The following SOCS4 variants were observed in gnomAD, a reference collection of about 807,000 sequenced individuals.
SOCS4 encodes SH2 domain containing SOCS box protein.
SOCS4 carries 20 observed loss-of-function variants against 34.1 expected under a neutral mutation model. The ratio of observed to expected loss-of-function variants is 0.59; its 90% CI spans 0.41 to 0.85. SOCS4 has a LOEUF of 0.85. Among genes scored for constraint, SOCS4 ranks in the 40% least tolerant of loss-of-function variants. SOCS4 has a pLI of 0.00. For missense variants in SOCS4, 479 were observed against 532.4 expected, an observed-to-expected ratio of 0.90 and a Z score of 0.99; for synonymous variants, 180 against 186.4, an observed-to-expected ratio of 0.97 and a Z score of 0.28.
At chr14:55,037,095 G>A (rs902065054) in intron 2 of SOCS4, among the ~76,000 whole-genome samples, 1 of 151,922 alleles carries the variant, frequency 6.6e-6, no homozygotes, top group Non-Finnish European at 1.5e-5. Context: ...TCCAGCCTGG[G>A]TGACAAAGTG....
At position 55,047,276 on chromosome 14, in the gene SOCS4, C is replaced by G. The variant is rs2042685158; in HGVS notation, c.*2912C>G. 1 of 167,102 alleles carries G rather than the reference C, an allele frequency of 6.0e-6. No homozygotes were observed. The highest frequency in any genetic ancestry group is 6.5e-5 in the Admixed American group (1 of 15,286). The allele number at this position is 167,102 out of a possible 1,614,324, so 10.4% of individuals were successfully genotyped here. On this transcript the variant is annotated 3_prime_UTR_variant, in exon 3 of 3. Coordinates refer to ENST00000555846, the MANE Select transcript of SOCS4 (RefSeq NM_199421.2). ...CACTTAACTGCGCTTTGGGAATCAT[C>G]CTGGGCTAATCAGGAAATAAACTTG... is the stretch of plus-strand genomic sequence containing the variant.
intron 1 of SOCS4, among the ~76,000 whole-genome samples, chr14:55,030,759 A>G (rs1031260611): frequency 7.2e-5 from 11 of 152,196 alleles, no homozygotes; most frequent in African/African-American, 2.7e-4. Flanking sequence ...TAAACCAGGT[A>G]ACATACCTAG....
rs759172403 is a variant in SOCS4 at position 55,043,683 on chromosome 14, G to A, written c.642G>A (p.Val214=). 6.2e-7 allele frequency: 1 copy of A among 1,614,156 alleles called. No homozygotes were observed. Among genetic ancestry groups the A allele is most frequent in the East Asian group, 2.2e-5 (1 of 44,886 alleles). The stretch of plus-strand genomic sequence containing the variant: ...GAGAAGGTCCTATGACTGGCTCTGT[G>A]ATGAACCTGGTTTCAAATAACAGTA... ...LCREGPMTGS[V]MNLVSNNSIE... Residue 214 remains valine (V), a synonymous_variant, in exon 3 of 3, where the codon GTG becomes GTA. Coordinates refer to ENST00000555846, the MANE Select transcript of SOCS4 (RefSeq NM_199421.2).
chr14:55,034,970 T>C (rs10135721), intron 2 of SOCS4, among the ~76,000 whole-genome samples: 78,000 of 151,332 alleles, frequency 0.52, 21,925 homozygotes, highest in African/African-American at 0.75. Context: ...AAGCCATTCT[T>C]CTGCCTCAGC....
At position 55,039,721 on chromosome 14, in the gene SOCS4, G is replaced by A. The variant is rs567113554; in HGVS notation, c.-90-3231G>A. On this transcript the variant is annotated intron_variant, in intron 2 of 2. Coordinates refer to ENST00000555846, the MANE Select transcript of SOCS4 (RefSeq NM_199421.2). ...ATCCTGGCTAACATGGTGAAACCTT[G>A]TCTCTACTAAAAATACAAAAAAAAA... Among the ~76,000 whole-genome samples the A allele has an allele frequency of 2.1e-3, 320 of 152,114 alleles. 1 individual carries two copies. The highest frequency in any genetic ancestry group is 7.4e-3 in the African/African-American group (306 of 41,498).
At chr14:55,041,592 A>G (rs982409992) in intron 2 of SOCS4, among the ~76,000 whole-genome samples, 1 of 148,096 alleles carries the variant, frequency 6.8e-6, no homozygotes, top group African/African-American at 2.5e-5. Flanking sequence ...AGTTCTCCTC[A>G]GCCTCCCTAG....
chr14:55,048,574 C>A lies in SOCS4; in HGVS notation c.*4210C>A, dbSNP rs1452052054. ...AATGGCCTACTAGAAATGAGCAGTGCAAGAGTCTACCTGTACTATTCTAAT... is the reference window on the plus strand; with the variant it reads ...AATGGCCTACTAGAAATGAGCAGTGAAAGAGTCTACCTGTACTATTCTAAT... On this transcript the variant is annotated 3_prime_UTR_variant, in exon 3 of 3. Transcript: ENST00000555846. The A allele has an allele frequency of 2.4e-5, 4 of 166,958 alleles. No individual in the cohort carries two copies. Among genetic ancestry groups the A allele is most frequent in the African/African-American group, 9.7e-5 (4 of 41,436 alleles). The allele number at this position is 166,958 out of a possible 1,614,324, so 10.3% of individuals were successfully genotyped here. A position where few individuals can be genotyped will look rare whatever the true frequency, so the allele number is the denominator to read the frequency against.
chr14:55,031,665 T>C (rs772624291), intron 1 of SOCS4, among the ~76,000 whole-genome samples, 198 bp from the exon 2 acceptor site: 1 of 152,172 alleles, frequency 6.6e-6, no homozygotes, highest in African/African-American at 2.4e-5. Context: ...TGCTACTAAA[T>C]CAATGATTCT....
rs2042682888 is a variant in SOCS4, at chr14:55,047,024, T to C, written c.*2660T>C. The C allele has an allele frequency of 6.0e-6, 1 of 167,092 alleles. No individual in the cohort carries two copies. The highest frequency in any genetic ancestry group is 2.4e-5 in the African/African-American group (1 of 41,460). The allele number at this position is 167,092 out of a possible 1,614,324, so 10.4% of individuals were successfully genotyped here. ...AACAATGTGGGAATGTATAAATTTG[T>C]CTAAAATTTTATAACTGTTGAACAA... On this transcript the variant is annotated 3_prime_UTR_variant, in exon 3 of 3. Transcript: ENST00000555846.
chr14:55,047,792 A>T lies in SOCS4; in HGVS notation c.*3428A>T, dbSNP rs902189767. 6.0e-6 allele frequency: 1 copy of T among 167,134 alleles called. No homozygotes were observed. Among genetic ancestry groups the T allele is most frequent in the African/African-American group, 2.4e-5 (1 of 41,466 alleles). 10.4% of individuals were successfully genotyped at this position (167,134 alleles called of 1,614,324 possible). ...TTTTTATAAGAAAAACACATAAACC[A>T]TTATCATTTATTCATGAGCCAAAGC... On this transcript the variant is annotated 3_prime_UTR_variant, in exon 3 of 3. Transcript: ENST00000555846.
At chr14:55,040,982 C>A (rs2042613434) in intron 2 of SOCS4, among the ~76,000 whole-genome samples, 2 of 151,506 alleles carry the variant, frequency 1.3e-5, no homozygotes. Context: ...ACCTCTGCCT[C>A]CCAGGCTCAT....
chr14:55,045,880 T>C lies in SOCS4; in HGVS notation c.*1516T>C, dbSNP rs761909072. 2 of 166,994 alleles carry C rather than the reference T, an allele frequency of 1.2e-5. No homozygotes were observed. The highest frequency in any genetic ancestry group is 4.8e-5 in the African/African-American group (2 of 41,456). The allele number at this position is 166,994 out of a possible 1,614,324, so 10.3% of individuals were successfully genotyped here. A position where few individuals can be genotyped will look rare whatever the true frequency, so the allele number is the denominator to read the frequency against. ...ACTTCCAAGTTAGAACAAATATTTC[T>C]TCATTATTGTTGCTTTTATGTGAGT... On this transcript the variant is annotated 3_prime_UTR_variant, in exon 3 of 3. Coordinates refer to ENST00000555846, the MANE Select transcript of SOCS4 (RefSeq NM_199421.2).
chr14:55,040,849 A>G (rs1220838783), intron 2 of SOCS4, among the ~76,000 whole-genome samples: 4 of 151,702 alleles, frequency 2.6e-5, no homozygotes, highest in East Asian at 1.9e-4. Context: ...TGGAGAACCC[A>G]TGGATATGGA....
intron 2 of SOCS4, among the ~76,000 whole-genome samples, chr14:55,036,997 T>TC (rs780577102): frequency 2.4e-4 from 36 of 151,958 alleles, no homozygotes; most frequent in Non-Finnish European, 3.8e-4. Flanking sequence ...GCACCTGTAG[T>TC]CCCAGTTATT....
chr14:55,039,433 TA>T (rs2042598803), intron 2 of SOCS4, among the ~76,000 whole-genome samples: 1 of 151,620 alleles, frequency 6.6e-6, no homozygotes, highest in Non-Finnish European at 1.5e-5. Flanking sequence ...GACCCTGTCT[TA>T]AAAAAATAAA....
At position 55,031,904 on chromosome 14, in the gene SOCS4, G is replaced by A. The variant is rs2042532190; in HGVS notation, c.-178G>A. 6.6e-6 allele frequency: 1 copy of A among 152,144 alleles called. No homozygotes were observed. Among genetic ancestry groups the A allele is most frequent in the African/African-American group, 2.4e-5 (1 of 41,432 alleles). The allele number at this position is 152,144 out of a possible 1,614,324, so 9.4% of individuals were successfully genotyped here. A position where few individuals can be genotyped will look rare whatever the true frequency, so the allele number is the denominator to read the frequency against. ...TGCTCTCCAGTGACTTCCGTTTGTG[G>A]AGCCTAAGTGTTTCTACAGAATCCA... is the stretch of plus-strand genomic sequence containing the variant. On this transcript the variant is annotated 5_prime_UTR_variant, in exon 2 of 3. Transcript: ENST00000555846.
rs952777143 is a variant in SOCS4, at chr14:55,027,318, T to G, written c.-373T>G. On this transcript the variant is annotated 5_prime_UTR_variant, in exon 1 of 3. Transcript: ENST00000555846. Reference sequence around the variant, plus strand: ...TTGGGACCGGAACGCCGAAGCGGGGTTGGGGGTGGCAGAAAAGCATCTGCT... The same window carrying G: ...TTGGGACCGGAACGCCGAAGCGGGGGTGGGGGTGGCAGAAAAGCATCTGCT... The G allele has an allele frequency of 5.3e-6, 1 of 187,460 alleles. No homozygotes were observed. The allele number at this position is 187,460 out of a possible 1,614,324, so 11.6% of individuals were successfully genotyped here. A position where few individuals can be genotyped will look rare whatever the true frequency, so the allele number is the denominator to read the frequency against.
chr14:55,043,568 TA>T lies in SOCS4; in HGVS notation c.531del (p.Lys177AsnfsTer9). The T allele has an allele frequency of 6.2e-7, 1 of 1,614,154 alleles. No individual in the cohort carries two copies. The highest frequency in any genetic ancestry group is 1.1e-5 in the South Asian group (1 of 91,086). ...LSQTELRDGQLKRRNMEENIN... is the reference protein window; with the variant it reads ...LSQTELRDGQXKRRNMEENIN... ...CAGACTGAATTGAGGGATGGTCAGC[TA>T]AAACGAAGAAATATGGAAGAAAATA... On this transcript the variant is annotated frameshift_variant, in exon 3 of 3. Transcript: ENST00000555846. LOFTEE classifies it high-confidence loss of function.
chr14:55,049,105 T>G lies in SOCS4; in HGVS notation c.*4741T>G, dbSNP rs1334963969. ...GTGTAAAACTGATGTTTGCTTAACT[T>G]ATTTTAAAAGTTGATTACGTTTTCA... On this transcript the variant is annotated 3_prime_UTR_variant, in exon 3 of 3. Transcript: ENST00000555846. 1 of 166,794 alleles carries G rather than the reference T, an allele frequency of 6.0e-6. No homozygotes were observed. Among genetic ancestry groups the G allele is most frequent in the South Asian group, 2.1e-4 (1 of 4,832 alleles). The allele number at this position is 166,794 out of a possible 1,614,324, so 10.3% of individuals were successfully genotyped here.
Sources: gnomAD v4.1 joint callset for allele counts (sites outside exome capture counted in the v4.1 genomes callset) on GRCh38, gnomAD v4.1.1 for gene constraint, MANE v1.5 for transcripts, NCBI Gene and HGNC (gene_info 2026-07-23, HGNC 2026-07-21) for gene names.